The following PTPRJ variants were observed in gnomAD, a reference collection of about 807,000 sequenced individuals.
PTPRJ encodes protein tyrosine phosphatase receptor type J, also known as receptor-type tyrosine-protein phosphatase eta.
In PTPRJ, 129 loss-of-function variants were observed where a neutral mutation model predicts 141.3. The ratio of observed to expected loss-of-function variants is 0.91; its 90% confidence interval spans 0.79 to 1.06. The LOEUF (loss-of-function observed/expected upper bound fraction) is 1.06, where lower values mean the gene tolerates loss of function less well. PTPRJ is among the 50% of genes least tolerant of loss of function. The probability of loss-of-function intolerance (pLI) is 0.00; values close to 1 mark genes in which losing one functional copy is unlikely to be tolerated. For missense variants in PTPRJ, 1,601 were observed against 1,679.7 expected (o/e 0.95, Z 0.82); for synonymous variants, 610 against 640.5 (o/e 0.95, Z 0.72).
intron 22 of PTPRJ, among the ~76,000 whole-genome samples, chr11:48,161,007 A>C (rs911545359): frequency 1.3e-4 from 20 of 151,862 alleles, no homozygotes; most frequent in African/African-American, 4.1e-4. Flanking sequence ...CTACAAAAAC[A>C]AAACCAAACC....
intron 1 of PTPRJ, among the ~76,000 whole-genome samples, chr11:48,101,481 G>A (rs1856146835): frequency 6.6e-6 from 1 of 152,256 alleles, no homozygotes; most frequent in South Asian, 2.1e-4. Flanking sequence ...TTGTGAGCCT[G>A]TGATAGGGCT....
At chr11:48,145,291 C>G (rs1046204989) in intron 14 of PTPRJ, among the ~76,000 whole-genome samples, 167 bp downstream of exon 14, 1 of 152,132 alleles carries the variant, frequency 6.6e-6, no homozygotes, top group African/African-American at 2.4e-5. Flanking sequence ...GCTTACTGGG[C>G]TTCCTCCTCC....
chr11:48,120,228 G>T (rs1856669826), intron 3 of PTPRJ, among the ~76,000 whole-genome samples: 1 of 152,134 alleles, frequency 6.6e-6, no homozygotes, highest in Non-Finnish European at 1.5e-5. Flanking sequence ...CTAATGGATG[G>T]AGCAGGTCTT....
intron 7 of PTPRJ, 147 bp downstream of exon 7, chr11:48,128,190 T>G: frequency 3.7e-6 from 4 of 1,078,250 alleles, no homozygotes; most frequent in Admixed American, 4.6e-5. Context: ...ACTGGCACAT[T>G]GTATGCTCAC....
At chr11:48,025,186 C>T (rs1326822856) in intron 1 of PTPRJ, among the ~76,000 whole-genome samples, 1 of 152,168 alleles carries the variant, frequency 6.6e-6, no homozygotes, top group Non-Finnish European at 1.5e-5. Context: ...ACTCAGAGGC[C>T]TTTCGGGCAG....
intron 1 of PTPRJ, among the ~76,000 whole-genome samples, chr11:48,021,412 TAAATAAATA>T (rs1157302023): frequency 0.082 from 10,307 of 125,298 alleles, 824 homozygotes; most frequent in African/African-American, 0.3. Flanking sequence ...AATAAATAAA[TAAATAAATA>T]AAATAAAATA....
At chr11:48,098,406 G>A (rs1442669438) in intron 1 of PTPRJ, among the ~76,000 whole-genome samples, 1 of 152,174 alleles carries the variant, frequency 6.6e-6, no homozygotes, top group Non-Finnish European at 1.5e-5. Context: ...GGCTGCATAA[G>A]TCCTGGACAC....
chr11:48,021,080 A>G (rs1324410410), intron 1 of PTPRJ, among the ~76,000 whole-genome samples: 1 of 152,184 alleles, frequency 6.6e-6, no homozygotes, highest in Admixed American at 6.5e-5. Flanking sequence ...AACCCTTAAC[A>G]AAAGGTTAAG....
chr11:48,159,298 G>A (rs951097302), intron 21 of PTPRJ, among the ~76,000 whole-genome samples: 1 of 152,176 alleles, frequency 6.6e-6, no homozygotes, highest in Non-Finnish European at 1.5e-5. Flanking sequence ...ATTGGTGTGT[G>A]TATTTGTATT....
chr11:47,988,984 T>C (rs1464544855), intron 1 of PTPRJ, among the ~76,000 whole-genome samples: 5 of 141,618 alleles, frequency 3.5e-5, no homozygotes, highest in Non-Finnish European at 7.6e-5. Context: ...CCCAGGTTCA[T>C]GCCATTCTCC....
At chr11:48,087,882 T>C (rs973652415) in intron 1 of PTPRJ, among the ~76,000 whole-genome samples, 1 of 152,348 alleles carries the variant, frequency 6.6e-6, no homozygotes, top group East Asian at 1.9e-4. Context: ...AAATAGATCC[T>C]TGTGAAAGGT....
intron 1 of PTPRJ, among the ~76,000 whole-genome samples, chr11:48,005,899 A>G (rs1414386017): frequency 6.6e-6 from 1 of 152,256 alleles, no homozygotes; most frequent in African/African-American, 2.4e-5. Context: ...AGGTTAAATA[A>G]GCTGCATGGC....
chr11:48,132,530 T>TC, intron 8 of PTPRJ: 1 of 981,816 alleles, frequency 1.0e-6, no homozygotes, highest in Non-Finnish European at 1.2e-6. Context: ...TCTTCCTTGA[T>TC]CTAAGATTCA....
At chr11:48,104,369 A>G (rs1856235190) in intron 1 of PTPRJ, among the ~76,000 whole-genome samples, 1 of 152,242 alleles carries the variant, frequency 6.6e-6, no homozygotes, top group South Asian at 2.1e-4. Flanking sequence ...AGCAGGAAGA[A>G]TGATGGCCTT....
intron 1 of PTPRJ, among the ~76,000 whole-genome samples, chr11:48,066,929 A>G (rs1206877489): frequency 1.3e-5 from 2 of 152,140 alleles, no homozygotes; most frequent in Non-Finnish European, 2.9e-5. Flanking sequence ...GAAGTTGTGG[A>G]CACCTTCCAG....
chr11:48,037,364 G>C (rs1854153238), intron 1 of PTPRJ, among the ~76,000 whole-genome samples: 1 of 152,164 alleles, frequency 6.6e-6, no homozygotes, highest in Non-Finnish European at 1.5e-5. Context: ...CTCATAATGA[G>C]ATTGCCAAAG....
intron 14 of PTPRJ, 29 bp downstream of exon 14, chr11:48,145,153 G>T: frequency 1.2e-6 from 2 of 1,612,456 alleles, no homozygotes; most frequent in Non-Finnish European, 1.7e-6. Context: ...TCCTGGCACT[G>T]GTTCAGTGGC....
At chr11:48,047,015 A>G (rs1229331131) in intron 1 of PTPRJ, among the ~76,000 whole-genome samples, 1 of 144,656 alleles carries the variant, frequency 6.9e-6, no homozygotes, top group Non-Finnish European at 1.5e-5. Flanking sequence ...TCCTGGGTTT[A>G]AGTGATTCTC....
At chr11:48,152,811 G>A (rs1174566689) in intron 18 of PTPRJ, among the ~76,000 whole-genome samples, 1 of 151,484 alleles carries the variant, frequency 6.6e-6, no homozygotes, top group Non-Finnish European at 1.5e-5. Flanking sequence ...CCAGTGCCAT[G>A]CTCTTTTGGT....
Sources: allele counts gnomAD v4.1 joint callset (sites outside exome capture counted in the v4.1 genomes callset), GRCh38; gene constraint gnomAD v4.1.1; transcripts MANE v1.5; gene names NCBI Gene and HGNC (gene_info 2026-07-23, HGNC 2026-07-21).